DIAPH3: variants seen among roughly 807,000 people sequenced by gnomAD.
DIAPH3 encodes protein diaphanous homolog 3.
In DIAPH3, 117 loss-of-function variants were observed where a neutral mutation model predicts 144.3. The observed-to-expected ratio is 0.81, with a 90% confidence interval of 0.70 to 0.95. DIAPH3 has a LOEUF of 0.95. DIAPH3 is among the 40% of genes least tolerant of loss of function. The pLI, the probability that DIAPH3 is intolerant of heterozygous loss-of-function variation, is 0.00. For synonymous variants in DIAPH3, 519 were observed against 488.9 expected, an observed-to-expected ratio of 1.06 and a Z score of -0.81; for missense variants, 1,421 against 1,412.7, an observed-to-expected ratio of 1.01 and a Z score of -0.09.
intron 25 of DIAPH3, among the ~76,000 whole-genome samples, chr13:59,788,683 C>G (rs80159440): frequency 0.078 from 11,871 of 152,082 alleles, 587 homozygotes; most frequent in South Asian, 0.18. Flanking sequence ...TTTGTACTGT[C>G]AAAAAATGAG....
At chr13:59,960,323 G>C (rs1192203250) in intron 17 of DIAPH3, among the ~76,000 whole-genome samples, 1 of 152,188 alleles carries the variant, frequency 6.6e-6, no homozygotes, top group Non-Finnish European at 1.5e-5. Flanking sequence ...ACCGTGTGAA[G>C]GCTGCGATTG....
intron 20 of DIAPH3, among the ~76,000 whole-genome samples, chr13:59,894,124 A>T (rs747858995): frequency 2.0e-5 from 3 of 151,592 alleles, no homozygotes; most frequent in Non-Finnish European, 2.9e-5. Context: ...ACTGTGATAC[A>T]TTTTTTTTCA....
intron 5 of DIAPH3, among the ~76,000 whole-genome samples, chr13:60,028,403 C>A (rs570277203): frequency 6.6e-6 from 1 of 152,062 alleles, no homozygotes; most frequent in South Asian, 2.1e-4. Flanking sequence ...CATAGCAGCA[C>A]GCTATGCAGT....
At chr13:59,830,152 C>T (rs751046319) in intron 24 of DIAPH3, among the ~76,000 whole-genome samples, 2 of 151,726 alleles carry the variant, frequency 1.3e-5, no homozygotes, top group African/African-American at 2.4e-5. Flanking sequence ...TTGAATAATA[C>T]GGAATTAAAG....
chr13:60,114,642 G>GACACACACAC (rs34572381), intron 2 of DIAPH3, among the ~76,000 whole-genome samples: 1 of 147,992 alleles, frequency 6.8e-6, no homozygotes, highest in Admixed American at 6.8e-5. Context: ...GAATACAAAA[G>GACACACACAC]ACACACACAC....
intron 19 of DIAPH3, among the ~76,000 whole-genome samples, chr13:59,915,790 ATAT>A (rs906290240): frequency 6.6e-6 from 1 of 152,108 alleles, no homozygotes; most frequent in Non-Finnish European, 1.5e-5. Flanking sequence ...CTTCTAAACC[ATAT>A]AATAATATCT....
chr13:59,844,095 T>G (rs2042490881), intron 22 of DIAPH3, among the ~76,000 whole-genome samples: 1 of 126,876 alleles, frequency 7.9e-6, no homozygotes, highest in Non-Finnish European at 1.7e-5. Context: ...TACACATATA[T>G]CCCAGAACTT....
chr13:59,670,156 C>T (rs746361629), intron 27 of DIAPH3, among the ~76,000 whole-genome samples: 3 of 151,978 alleles, frequency 2.0e-5, no homozygotes, highest in East Asian at 3.9e-4. Context: ...GCTTTAGGGA[C>T]AAAATGATAA....
chr13:60,009,954 T>C lies in DIAPH3; in HGVS notation c.908+579A>G, dbSNP rs965666967. ...GAACCCTAATTTTTAAAAATCTTTA[T>C]CTTTATAATTATCTTTAATATGTAT... On this transcript the variant is annotated intron_variant, in intron 8 of 27. Coordinates refer to ENST00000400324, the MANE Select transcript of DIAPH3 (RefSeq NM_001042517.2). 3.3e-5 allele frequency among the ~76,000 whole-genome samples: 5 copies of C among 152,340 alleles called. No individual in the cohort carries two copies. The South Asian group carries it at 1.0e-3, about 32-fold the overall frequency.
intron 4 of DIAPH3, among the ~76,000 whole-genome samples, chr13:60,082,547 GA>G (rs35411094): frequency 2.0e-5 from 3 of 150,470 alleles, no homozygotes; most frequent in East Asian, 3.9e-4. Flanking sequence ...CTTTTTGCTA[GA>G]AAAAAAAATA....
intron 27 of DIAPH3, among the ~76,000 whole-genome samples, chr13:59,749,029 C>A (rs1175079039): frequency 6.6e-6 from 1 of 151,708 alleles, no homozygotes; most frequent in East Asian, 1.9e-4. Context: ...GCCTGGCCAA[C>A]ATGGTGAAGC....
intron 27 of DIAPH3, 22 bp from the exon 28 acceptor site, chr13:59,666,868 C>G: frequency 6.2e-7 from 1 of 1,613,864 alleles, no homozygotes; most frequent in East Asian, 2.2e-5. Flanking sequence ...AAAAAAGAAA[C>G]ATAAAACTTA....
At chr13:59,845,877 T>A (rs887223676) in intron 22 of DIAPH3, among the ~76,000 whole-genome samples, 5 of 152,240 alleles carry the variant, frequency 3.3e-5, no homozygotes, top group Admixed American at 3.3e-4. Flanking sequence ...ACACCATTCA[T>A]CTTTGTATTT....
chr13:59,765,227 A>G (rs2037809576), intron 27 of DIAPH3, among the ~76,000 whole-genome samples: 1 of 152,222 alleles, frequency 6.6e-6, no homozygotes, highest in African/African-American at 2.4e-5. Context: ...TAGCAAGAAA[A>G]TTAATTTCCA....
intron 9 of DIAPH3, among the ~76,000 whole-genome samples, chr13:60,004,823 A>G (rs1285273966): frequency 2.0e-5 from 3 of 152,218 alleles, no homozygotes; most frequent in Non-Finnish European, 4.4e-5. Context: ...AACTAAAGCA[A>G]TTAGTTTCAT....
chr13:60,046,973 G>A (rs1169545938), intron 4 of DIAPH3, among the ~76,000 whole-genome samples: 3 of 152,122 alleles, frequency 2.0e-5, no homozygotes, highest in African/African-American at 2.4e-5. Flanking sequence ...GGGGCTTTTC[G>A]GGGGGTTGGG....
At chr13:59,723,959 TAAAAAA>T (rs144643410) in intron 27 of DIAPH3, among the ~76,000 whole-genome samples, 1 of 133,788 alleles carries the variant, frequency 7.5e-6, no homozygotes, top group Non-Finnish European at 1.6e-5. Flanking sequence ...TGTTAAAAGT[TAAAAAA>T]AAAAAAAAAA....
In DIAPH3 at chr13:59,895,433, AAAAAAAAAAAC is replaced by A. The variant is rs1221263123; in HGVS notation, c.2368-15976_2368-15966del. Among the ~76,000 whole-genome samples the A allele has an allele frequency of 2.0e-4, 29 of 146,936 alleles. No homozygotes were observed. In the East Asian group the frequency reaches 3.3e-3, roughly 17 times the overall value. On this transcript the variant is annotated intron_variant, in intron 20 of 27. Coordinates refer to ENST00000400324, the MANE Select transcript of DIAPH3 (RefSeq NM_001042517.2). ...GAAACTTGATCCAATGTTAAAGGAAAAAAAAAAAAACAAAAAAAAAACACATTTATCTTGTG... is the reference window on the plus strand; with the variant it reads ...GAAACTTGATCCAATGTTAAAGGAAAAAAAAAAAAACACATTTATCTTGTG...
At chr13:60,119,652 T>C (rs9538566) in intron 2 of DIAPH3, among the ~76,000 whole-genome samples, 94,613 of 141,496 alleles carry the variant, frequency 0.67, 31,453 homozygotes, top group Admixed American at 0.76. Flanking sequence ...GAGGCTGAGG[T>C]AGGAGAATGG....
Sources: allele counts gnomAD v4.1 joint callset (sites outside exome capture counted in the v4.1 genomes callset), GRCh38; gene constraint gnomAD v4.1.1; transcripts MANE v1.5; gene names NCBI Gene and HGNC (gene_info 2026-07-23, HGNC 2026-07-21).